The following GRM8 variants were observed in gnomAD, a reference collection of about 807,000 sequenced individuals.
The protein encoded by GRM8 is metabotropic glutamate receptor 8.
A neutral mutation model predicts 87.2 loss-of-function variants in GRM8; 47 were observed. That is an observed-to-expected ratio of 0.54 (90% CI 0.43 to 0.69). The LOEUF is 0.69. GRM8 is among the 30% of genes least tolerant of loss of function. GRM8 has a pLI of 0.00. For missense variants in GRM8, 1,019 were observed against 1,139.2 expected (o/e 0.89, Z 1.52); for synonymous variants, 396 against 404.5 (o/e 0.98, Z 0.25).
At chr7:126,617,365 T>C (rs1258657000) in intron 7 of GRM8, among the ~76,000 whole-genome samples, 1 of 152,220 alleles carries the variant, frequency 6.6e-6, no homozygotes, top group African/African-American at 2.4e-5. Context: ...TAGGTATTGA[T>C]GGGATGTATC....
intron 3 of GRM8, among the ~76,000 whole-genome samples, chr7:127,000,928 C>T (rs1039319219): frequency 6.6e-6 from 1 of 151,472 alleles, no homozygotes; most frequent in Admixed American, 6.6e-5. Context: ...ATGAAATCTA[C>T]AAATTGATTG....
intron 2 of GRM8, among the ~76,000 whole-genome samples, chr7:127,236,029 TTTA>T (rs1391449747): frequency 1.3e-5 from 2 of 152,254 alleles, no homozygotes; most frequent in East Asian, 3.8e-4. Flanking sequence ...CTTATTTTAC[TTTA>T]TTTTTGATTG....
At chr7:126,652,392 TGATTG>T (rs1164253090) in intron 7 of GRM8, among the ~76,000 whole-genome samples, 1 of 152,160 alleles carries the variant, frequency 6.6e-6, no homozygotes, top group Non-Finnish European at 1.5e-5. Context: ...AGTGTCAACT[TGATTG>T]GATTGAAGGA....
chr7:127,037,979 G>A (rs1818005538), intron 3 of GRM8, among the ~76,000 whole-genome samples: 1 of 151,972 alleles, frequency 6.6e-6, no homozygotes, highest in East Asian at 1.9e-4. Flanking sequence ...TAAAAGAAAT[G>A]CCAATTACAG....
At chr7:126,824,402 G>A (rs1372296593) in intron 6 of GRM8, among the ~76,000 whole-genome samples, 1 of 152,206 alleles carries the variant, frequency 6.6e-6, no homozygotes, top group Non-Finnish European at 1.5e-5. Context: ...AATGTACTGT[G>A]CTTTAAAACT....
intron 6 of GRM8, among the ~76,000 whole-genome samples, chr7:126,789,534 T>A (rs1470149528): frequency 1.3e-5 from 2 of 152,204 alleles, no homozygotes; most frequent in Non-Finnish European, 2.9e-5. Flanking sequence ...CCACAGCCGC[T>A]AATTTATTTT....
chr7:126,672,169 G>A (rs1579214), intron 7 of GRM8, among the ~76,000 whole-genome samples: 10,104 of 152,230 alleles, frequency 0.066, 646 homozygotes, highest in East Asian at 0.32. Context: ...TGACAGTAGC[G>A]GAGATAGTGG....
rs939248873 is a variant in GRM8 at position 127,100,158 on chromosome 7, C to A, written c.727+6338G>T. Among the ~76,000 whole-genome samples, 4 of 152,208 alleles carry A rather than the reference C, an allele frequency of 2.6e-5. No individual in the cohort carries two copies. In the East Asian group the frequency reaches 7.7e-4, roughly 29 times the overall value. ...TCCAGAACTGTGAGATGATAAATTTCTATTATTTTAAGCCACTAGTATACT... is the reference window on the plus strand; with the variant it reads ...TCCAGAACTGTGAGATGATAAATTTATATTATTTTAAGCCACTAGTATACT... On this transcript the variant is annotated intron_variant, in intron 3 of 10. Coordinates refer to ENST00000339582, the MANE Select transcript of GRM8 (RefSeq NM_000845.3).
intron 7 of GRM8, among the ~76,000 whole-genome samples, chr7:126,619,052 C>G (rs553495786): frequency 6.6e-6 from 1 of 152,302 alleles, no homozygotes; most frequent in East Asian, 1.9e-4. Flanking sequence ...ATAAATTATG[C>G]TGCTATAAAG....
At chr7:127,232,834 G>A (rs1029464362) in intron 2 of GRM8, among the ~76,000 whole-genome samples, 1 of 151,872 alleles carries the variant, frequency 6.6e-6, no homozygotes, top group African/African-American at 2.4e-5. Flanking sequence ...ATTAACTGGG[G>A]TTTTTTGTTT....
At chr7:126,470,688 T>C (rs1270673999) in intron 9 of GRM8, among the ~76,000 whole-genome samples, 1 of 152,150 alleles carries the variant, frequency 6.6e-6, no homozygotes, top group Non-Finnish European at 1.5e-5. Flanking sequence ...TGATTTATAG[T>C]CCTTTGGGTA....
chr7:127,045,898 G>T (rs1159407117), intron 3 of GRM8, among the ~76,000 whole-genome samples: 1 of 152,108 alleles, frequency 6.6e-6, no homozygotes, highest in Non-Finnish European at 1.5e-5. Context: ...ATGAATTATA[G>T]AATCTGTCAA....
intron 2 of GRM8, among the ~76,000 whole-genome samples, chr7:127,176,793 G>C (rs1794133837): frequency 6.6e-6 from 1 of 152,204 alleles, no homozygotes; most frequent in South Asian, 2.1e-4. Context: ...ACCTGGAGCT[G>C]AGTCAATTTA....
intron 3 of GRM8, among the ~76,000 whole-genome samples, chr7:127,077,608 T>C (rs1281793878): frequency 6.6e-6 from 1 of 152,208 alleles, no homozygotes; most frequent in African/African-American, 2.4e-5. Context: ...CCACTGTGAA[T>C]ACGAGAGTAT....
At chr7:127,018,494 C>G (rs181038337) in intron 3 of GRM8, among the ~76,000 whole-genome samples, 1 of 149,742 alleles carries the variant, frequency 6.7e-6, no homozygotes, top group African/African-American at 2.5e-5. Context: ...CAGTTCAGGG[C>G]TAGGGTTTGG....
intron 2 of GRM8, among the ~76,000 whole-genome samples, chr7:127,230,700 T>G (rs947279801): frequency 1.3e-5 from 2 of 152,132 alleles, no homozygotes; most frequent in African/African-American, 4.8e-5. Flanking sequence ...CTTATCTCTT[T>G]CAGCACCATG....
intron 8 of GRM8, among the ~76,000 whole-genome samples, chr7:126,547,663 C>A (rs1817310177): frequency 6.6e-6 from 1 of 151,008 alleles, no homozygotes. Flanking sequence ...TTCAGCATGC[C>A]CAATAATTAT....
intron 7 of GRM8, among the ~76,000 whole-genome samples, chr7:126,727,873 G>C (rs1247410582): frequency 6.6e-6 from 1 of 152,132 alleles, no homozygotes; most frequent in Non-Finnish European, 1.5e-5. Context: ...ATTACAGCCA[G>C]CTGGGATGTG....
At chr7:126,832,853 C>G (rs1795523799) in intron 6 of GRM8, among the ~76,000 whole-genome samples, 1 of 152,210 alleles carries the variant, frequency 6.6e-6, no homozygotes, top group East Asian at 1.9e-4. Context: ...TGTTGAATAG[C>G]TGTATTACAC....
Sources: gnomAD v4.1 joint callset for allele counts (sites outside exome capture counted in the v4.1 genomes callset) on GRCh38, gnomAD v4.1.1 for gene constraint, MANE v1.5 for transcripts, NCBI Gene and HGNC (gene_info 2026-07-23, HGNC 2026-07-21) for gene names.